The following KDM4C variants were observed in gnomAD, a reference collection of about 807,000 sequenced individuals.
The protein encoded by KDM4C is lysine-specific demethylase 4C.
A neutral mutation model predicts 129.3 loss-of-function variants in KDM4C; 81 were observed. The observed-to-expected ratio is 0.63, with a 90% CI of 0.52 to 0.75. The LOEUF is 0.75. KDM4C is among the 30% of genes least tolerant of loss of function. The pLI, the probability that KDM4C is intolerant of heterozygous loss-of-function variation, is 0.00. For missense variants in KDM4C, 1,457 were observed against 1,304.0 expected (o/e 1.12, Z -1.81); for synonymous variants, 573 against 456.1 (o/e 1.26, Z -3.26).
intron 1 of KDM4C, among the ~76,000 whole-genome samples, chr9:6,789,777 T>C (rs544041655): frequency 1.1e-4 from 17 of 152,172 alleles, no homozygotes; most frequent in African/African-American, 3.6e-4. Flanking sequence ...CAGAGGCAGG[T>C]AGGAATGTAG....
chr9:6,889,121 A>G (rs907437185), intron 7 of KDM4C, among the ~76,000 whole-genome samples: 5 of 151,768 alleles, frequency 3.3e-5, no homozygotes, highest in African/African-American at 4.8e-5. Flanking sequence ...TTCTTCTCAT[A>G]ATCCTTGCTG....
rs201635697 is a variant in KDM4C at position 7,074,406 on chromosome 9, AT to A, written c.2424+25207del. Among the ~76,000 whole-genome samples, 1,350 of 152,190 alleles carry A rather than the reference AT, an allele frequency of 8.9e-3. 18 individuals carry two copies. The highest frequency in any genetic ancestry group is 0.03 in the African/African-American group (1,266 of 41,534). ...GATCTCGAACTCCTGACCTCAAATG[AT>A]CCACCCACCTTGGTCTGCCAAAGTC... On this transcript the variant is annotated intron_variant, in intron 17 of 21. Transcript: ENST00000381309.
intron 4 of KDM4C, among the ~76,000 whole-genome samples, chr9:6,831,450 C>A (rs543288938): frequency 2.0e-5 from 3 of 152,156 alleles, no homozygotes; most frequent in Non-Finnish European, 4.4e-5. Flanking sequence ...TCAAGTAATT[C>A]TCCTGCCATA....
intron 4 of KDM4C, among the ~76,000 whole-genome samples, chr9:6,837,540 A>G (rs956565153): frequency 9.2e-5 from 14 of 152,176 alleles, no homozygotes; most frequent in African/African-American, 3.4e-4. Flanking sequence ...TTACTACTTG[A>G]TGTCATTCTT....
chr9:6,761,336 G>A (rs933333616), intron 1 of KDM4C, among the ~76,000 whole-genome samples: 1 of 151,700 alleles, frequency 6.6e-6, no homozygotes, highest in Non-Finnish European at 1.5e-5. Flanking sequence ...AGATCATCCT[G>A]TTCTTTTTTT....
chr9:6,956,134 G>A (rs536302705), intron 8 of KDM4C, among the ~76,000 whole-genome samples: 1 of 152,248 alleles, frequency 6.6e-6, no homozygotes, highest in African/African-American at 2.4e-5. Flanking sequence ...GGGAGGTGGG[G>A]ATGGTTAATG....
intron 1 of KDM4C, among the ~76,000 whole-genome samples, chr9:6,725,579 C>T (rs1265255014): frequency 6.6e-6 from 1 of 152,082 alleles, no homozygotes; most frequent in Non-Finnish European, 1.5e-5. Flanking sequence ...CCTCTGTCTC[C>T]CCGGATCAAG....
chr9:6,803,564 C>T (rs536707639), intron 2 of KDM4C, among the ~76,000 whole-genome samples: 21 of 143,368 alleles, frequency 1.5e-4, no homozygotes, highest in Non-Finnish European at 2.7e-4. Context: ...GAGCAAAACT[C>T]GGTCTCAAAA....
At chr9:6,796,596 C>T (rs556207376) in intron 2 of KDM4C, among the ~76,000 whole-genome samples, 11 of 152,260 alleles carry the variant, frequency 7.2e-5, no homozygotes, top group African/African-American at 1.4e-4. Context: ...AGCACACCTG[C>T]GTCGCTGTCT....
rs377269371 is a variant in KDM4C, at chr9:6,733,287, C to G, written c.49+12290C>G. ...ACATCATGGATGCTGGCTGGACCAG[C>G]TGGGTCACAATTGCCTACAGAAAGG... is the stretch of plus-strand genomic sequence containing the variant. On this transcript the variant is annotated intron_variant, in intron 1 of 17. Coordinates refer to the KDM4C transcript ENST00000536108. Among the ~76,000 whole-genome samples, 23 of 152,356 alleles carry G rather than the reference C, an allele frequency of 1.5e-4. 1 individual carries two copies. In the South Asian group the frequency reaches 4.6e-3, roughly 30 times the overall value.
intron 15 of KDM4C, among the ~76,000 whole-genome samples, chr9:7,023,483 T>C (rs1440406345): frequency 2.0e-5 from 3 of 152,132 alleles, no homozygotes; most frequent in African/African-American, 7.2e-5. Flanking sequence ...TCAGCTATAA[T>C]GTCTCCTTTT....
At chr9:6,854,030 A>C (rs1031675437) in intron 5 of KDM4C, among the ~76,000 whole-genome samples, 1 of 152,192 alleles carries the variant, frequency 6.6e-6, no homozygotes, top group African/African-American at 2.4e-5. Context: ...CCATGAAAAT[A>C]ATTTTTTTTT....
intron 1 of KDM4C, 143 bp from the exon 2 acceptor site, chr9:6,792,829 G>GA: frequency 1.3e-6 from 1 of 795,758 alleles, no homozygotes; most frequent in Non-Finnish European, 2.1e-6. Context: ...AGAGATGAGG[G>GA]AGTCTCCCTG....
chr9:6,824,781 C>A (rs180712118), intron 4 of KDM4C, among the ~76,000 whole-genome samples: 1 of 152,042 alleles, frequency 6.6e-6, no homozygotes, highest in Admixed American at 6.5e-5. Context: ...GACTGTATTT[C>A]CCCAATTAAA....
chr9:7,122,265 A>ACACACACACACACT (rs375655422), intron 18 of KDM4C, among the ~76,000 whole-genome samples: 2 of 144,714 alleles, frequency 1.4e-5, no homozygotes, highest in African/African-American at 5.2e-5. Flanking sequence ...ACACACACAC[A>ACACACACACACACT]CTCTCTCTCT....
At chr9:6,813,563 G>A (rs892446107) in intron 3 of KDM4C, among the ~76,000 whole-genome samples, 2 of 151,994 alleles carry the variant, frequency 1.3e-5, no homozygotes, top group Non-Finnish European at 2.9e-5. Flanking sequence ...TGCTTTATAG[G>A]GATTCTACTA....
chr9:6,760,586 T>TTTATTTA, intron 1 of KDM4C, among the ~76,000 whole-genome samples: 1 of 138,700 alleles, frequency 7.2e-6, no homozygotes, highest in South Asian at 2.3e-4. Flanking sequence ...TTATTTATTT[T>TTTATTTA]TTGAGACGAA....
intron 14 of KDM4C, chr9:7,014,311 G>A (rs1823245002): frequency 4.2e-6 from 1 of 236,672 alleles, no homozygotes; most frequent in Non-Finnish European, 8.2e-6. Context: ...TTAAGATCTA[G>A]TTTATAAAAA....
intron 8 of KDM4C, among the ~76,000 whole-genome samples, chr9:6,927,094 T>TCTATCTATCTATCTATCTATCTATCTAA (rs1822737804): frequency 1.3e-5 from 1 of 78,760 alleles, no homozygotes; most frequent in East Asian, 3.3e-4. Flanking sequence ...AAATTTTCTA[T>TCTATCTATCTATCTATCTATCTATCTAA]CTATCTATCT....
Sources: allele counts gnomAD v4.1 joint callset (sites outside exome capture counted in the v4.1 genomes callset), GRCh38; gene constraint gnomAD v4.1.1; transcripts MANE v1.5; gene names NCBI Gene and HGNC (gene_info 2026-07-23, HGNC 2026-07-21).